Variants in PCSK5 observed in about 807,000 individuals in gnomAD.
PCSK5 encodes the protein proprotein convertase subtilisin/kexin type 5.
Under a neutral mutation model 233.2 loss-of-function variants are expected in PCSK5, and 129 were observed. That is an observed-to-expected ratio of 0.55 (90% CI 0.48 to 0.64). The LOEUF is 0.64. Ranked by LOEUF, PCSK5 falls within the 30% of genes least tolerant of loss-of-function variation. The pLI, the probability that PCSK5 is intolerant of heterozygous loss-of-function variation, is 0.00. For missense variants in PCSK5, 2,076 were observed against 2,430.1 expected, an observed-to-expected ratio of 0.85 and a Z score of 3.06; for synonymous variants, 825 against 879.2, an observed-to-expected ratio of 0.94 and a Z score of 1.09.
chr9:76,310,997 G>A (rs967361758), intron 30 of PCSK5, 146 bp downstream of exon 30: 9 of 561,196 alleles, frequency 1.6e-5, no homozygotes, highest in Admixed American at 6.9e-5. Flanking sequence ...ATGGGTGTGC[G>A]CCACAGCAGC....
At chr9:76,231,101 T>C (rs1284172617) in intron 21 of PCSK5, among the ~76,000 whole-genome samples, 1 of 152,124 alleles carries the variant, frequency 6.6e-6, no homozygotes, top group Admixed American at 6.6e-5. Flanking sequence ...TTTAGTTGAC[T>C]CATAGTTCTG....
intron 9 of PCSK5, among the ~76,000 whole-genome samples, chr9:76,113,501 C>A (rs1832304007): frequency 6.6e-6 from 1 of 152,090 alleles, no homozygotes; most frequent in South Asian, 2.1e-4. Flanking sequence ...CTACATGTTT[C>A]CAGCGTTGGA....
intron 14 of PCSK5, 130 bp downstream of exon 14, chr9:76,175,259 A>ATGGAG: frequency 1.4e-6 from 1 of 693,520 alleles, no homozygotes; most frequent in Non-Finnish European, 2.5e-6. Context: ...ATGGAATGGA[A>ATGGAG]TGGAATGGAA....
intron 4 of PCSK5, among the ~76,000 whole-genome samples, chr9:76,024,783 AC>A (rs1228051382): frequency 8.5e-5 from 13 of 152,264 alleles, no homozygotes; most frequent in African/African-American, 3.1e-4. Context: ...TTTATGTTGG[AC>A]CTGGTGGGTA....
At chr9:76,004,310 T>G (rs964548015) in intron 3 of PCSK5, among the ~76,000 whole-genome samples, 1 of 152,126 alleles carries the variant, frequency 6.6e-6, no homozygotes, top group Admixed American at 6.5e-5. Context: ...AAAATCTACC[T>G]AGGGTAAGAC....
At chr9:75,892,418 A>G (rs1316016939) in intron 1 of PCSK5, among the ~76,000 whole-genome samples, 1 of 152,184 alleles carries the variant, frequency 6.6e-6, no homozygotes, top group Non-Finnish European at 1.5e-5. Flanking sequence ...ACACACCGCA[A>G]GCATCTTTGG....
In PCSK5 at chr9:76,113,546, C is replaced by T. The variant is rs142991744; in HGVS notation, c.1208+6195C>T. 3.5e-4 allele frequency among the ~76,000 whole-genome samples: 54 copies of T among 152,214 alleles called. No homozygotes were observed. The East Asian group carries it at 8.9e-3, about 25-fold the overall frequency. ...GGAAATGACCAGAATATTTGGGATA[C>T]AGTGACTGTGAGAAGTTAATATGTG... On this transcript the variant is annotated intron_variant, in intron 9 of 37. Coordinates refer to ENST00000674117, the MANE Select transcript of PCSK5 (RefSeq NM_001372043.1).
At chr9:76,142,753 A>G (rs535286702) in intron 10 of PCSK5, among the ~76,000 whole-genome samples, 3 of 152,324 alleles carry the variant, frequency 2.0e-5, no homozygotes, top group East Asian at 3.9e-4. Context: ...TATTTTAGAA[A>G]TGAAATTTGG....
intron 7 of PCSK5, among the ~76,000 whole-genome samples, chr9:76,076,753 T>C (rs569102114): frequency 2.0e-5 from 3 of 152,338 alleles, no homozygotes; most frequent in Admixed American, 6.5e-5. Flanking sequence ...ATTCAATTTA[T>C]AGCCCTTTTA....
chr9:76,327,911 G>A (rs1479783624), intron 32 of PCSK5, 98 bp from the exon 33 acceptor site: 2 of 781,834 alleles, frequency 2.6e-6, no homozygotes, highest in Non-Finnish European at 4.6e-6. Flanking sequence ...CGGAAGAAAT[G>A]TGAAAGGAAT....
At chr9:76,019,434 A>G (rs1314670246) in intron 3 of PCSK5, among the ~76,000 whole-genome samples, 1 of 152,182 alleles carries the variant, frequency 6.6e-6, no homozygotes, top group Admixed American at 6.5e-5. Context: ...ATGAAGTCTT[A>G]TAAGCCACTC....
chr9:76,145,637 C>T (rs1823415202), intron 10 of PCSK5, among the ~76,000 whole-genome samples: 1 of 152,164 alleles, frequency 6.6e-6, no homozygotes, highest in Non-Finnish European at 1.5e-5. Flanking sequence ...GCACCAGTTT[C>T]ATATCCCACA....
rs59136029 is a variant in PCSK5 at position 76,280,177 on chromosome 9, T to G, written c.3143-12056T>G. Among the ~76,000 whole-genome samples, 547 of 152,308 alleles carry G rather than the reference T, an allele frequency of 3.6e-3. 1 individual carries two copies. The highest frequency in any genetic ancestry group is 0.012 in the African/African-American group (508 of 41,562). On this transcript the variant is annotated intron_variant, in intron 24 of 37. Transcript: ENST00000674117. The stretch of plus-strand genomic sequence containing the variant: ...TTATGGTGATCACAGTGATCAGTGA[T>G]CAATTATAATTGTTTTGGGGCACCA...
At chr9:76,012,128 C>T (rs188481390) in intron 3 of PCSK5, among the ~76,000 whole-genome samples, 3 of 152,180 alleles carry the variant, frequency 2.0e-5, no homozygotes, top group Admixed American at 1.3e-4. Context: ...AAAAAATAAA[C>T]ACACACACAA....
intron 9 of PCSK5, among the ~76,000 whole-genome samples, chr9:76,129,038 C>T (rs184440817): frequency 3.3e-5 from 5 of 152,178 alleles, no homozygotes; most frequent in South Asian, 2.1e-4. Flanking sequence ...CTTTGTTGGA[C>T]GGTCAGTATT....
chr9:75,986,287 G>A (rs542943332), intron 3 of PCSK5, 42 bp downstream of exon 3: 23 of 1,149,706 alleles, frequency 2.0e-5, no homozygotes, highest in East Asian at 1.2e-4. Context: ...CATGTCATCC[G>A]GTTTTGTGTT....
At chr9:76,128,550 C>A (rs1444827743) in intron 9 of PCSK5, among the ~76,000 whole-genome samples, 1 of 152,110 alleles carries the variant, frequency 6.6e-6, no homozygotes, top group Non-Finnish European at 1.5e-5. Context: ...TTGTCTTTTA[C>A]ATGCAGTAAG....
intron 3 of PCSK5, among the ~76,000 whole-genome samples, chr9:76,011,792 GC>G (rs1827739719): frequency 6.6e-6 from 1 of 152,078 alleles, no homozygotes; most frequent in Non-Finnish European, 1.5e-5. Flanking sequence ...AGAGTTTATT[GC>G]CTGATGCCTA....
intron 20 of PCSK5, among the ~76,000 whole-genome samples, chr9:76,224,442 C>T (rs1825820875): frequency 6.6e-6 from 1 of 151,984 alleles, no homozygotes; most frequent in Admixed American, 6.6e-5. Flanking sequence ...CAAGGGAACT[C>T]AGACATCTTA....
Sources: gnomAD v4.1 joint callset for allele counts (sites outside exome capture counted in the v4.1 genomes callset) on GRCh38, gnomAD v4.1.1 for gene constraint, MANE v1.5 for transcripts, NCBI Gene and HGNC (gene_info 2026-07-23, HGNC 2026-07-21) for gene names.